DCP2: variants seen among roughly 807,000 people sequenced by gnomAD.
DCP2 encodes m7GpppN-mRNA hydrolase.
Under a neutral mutation model 56.1 loss-of-function variants are expected in DCP2, and 30 were observed. The ratio of observed to expected loss-of-function variants is 0.53; its 90% CI spans 0.40 to 0.73. DCP2 has a LOEUF of 0.73. Among genes scored for constraint, DCP2 ranks in the 30% least tolerant of loss-of-function variants. The pLI is 0.00. For missense variants in DCP2, 533 were observed against 502.7 expected, an observed-to-expected ratio of 1.06 and a Z score of -0.58; for synonymous variants, 197 against 163.3, an observed-to-expected ratio of 1.21 and a Z score of -1.57.
In DCP2 at chr5:113,016,426, C is replaced by T. The variant is rs537051530; in HGVS notation, c.*2942C>T. The T allele has an allele frequency of 6.6e-6, 1 of 152,328 alleles. No homozygotes were observed. The highest frequency in any genetic ancestry group is 2.4e-5 in the African/African-American group (1 of 41,538). 9.4% of individuals were successfully genotyped at this position (152,328 alleles called of 1,614,324 possible). A position where few individuals can be genotyped will look rare whatever the true frequency, so the allele number is the denominator to read the frequency against. ...TCAAAGGAATTGTGGTTACTACTTG[C>T]TGTTCTGAGCTTTGAATATCGTTAT... On this transcript the variant is annotated 3_prime_UTR_variant, in exon 11 of 11. Coordinates refer to ENST00000389063, the MANE Select transcript of DCP2 (RefSeq NM_152624.6).
chr5:112,998,525 G>A (rs538350130), intron 4 of DCP2, among the ~76,000 whole-genome samples: 2 of 152,220 alleles, frequency 1.3e-5, no homozygotes, highest in East Asian at 3.9e-4. Context: ...TGCTGCTTGC[G>A]TTATTCATTA....
chr5:112,992,914 TAAATCACTGTTGA>T, intron 4 of DCP2, 144 bp downstream of exon 4: 6 of 444,688 alleles, frequency 1.3e-5, no homozygotes, highest in East Asian at 3.8e-5. Context: ...TTTTTTTTTT[TAAATCACTGTTGA>T]TTGTTTTATC....
chr5:113,000,188 G>T (rs534397618), intron 4 of DCP2, among the ~76,000 whole-genome samples: 22 of 152,152 alleles, frequency 1.4e-4, no homozygotes, highest in African/African-American at 5.3e-4. Flanking sequence ...GAACACCTGG[G>T]CTCAAGTGAT....
chr5:113,011,920 T>A (rs1326300067), intron 10 of DCP2, among the ~76,000 whole-genome samples: 1 of 152,198 alleles, frequency 6.6e-6, no homozygotes, highest in Non-Finnish European at 1.5e-5. Context: ...TTCTTTTGCA[T>A]GTGGATATCC....
chr5:113,000,547 C>A (rs192210380), intron 4 of DCP2, among the ~76,000 whole-genome samples: 1 of 151,944 alleles, frequency 6.6e-6, no homozygotes, highest in Non-Finnish European at 1.5e-5. Flanking sequence ...ATTATAAATC[C>A]AAGCCATCGA....
At chr5:112,985,802 A>G (rs376045396) in intron 1 of DCP2, 33 bp from the exon 2 acceptor site, 420 of 1,590,486 alleles carry the variant, frequency 2.6e-4, no homozygotes, top group Non-Finnish European at 3.5e-4. Flanking sequence ...TAGTTTGTAA[A>G]TGTAATTTTT....
At position 113,017,364 on chromosome 5, in the gene DCP2, A is replaced by C. The variant is rs891313587; in HGVS notation, c.*3880A>C. On this transcript the variant is annotated 3_prime_UTR_variant, in exon 11 of 11. Transcript: ENST00000389063. ...GTCTGTAGGTAAGCAAGTGTTAGTA[A>C]AAACAATTTTGTCAAACAGTACTCC... is the stretch of plus-strand genomic sequence containing the variant. 6.6e-6 allele frequency: 1 copy of C among 152,222 alleles called. No individual in the cohort carries two copies. Among genetic ancestry groups the C allele is most frequent in the Non-Finnish European group, 1.5e-5 (1 of 68,040 alleles). 9.4% of individuals were successfully genotyped at this position (152,222 alleles called of 1,614,324 possible).
rs181927738 is a variant in DCP2 at position 113,020,789 on chromosome 5, T to C, written c.*7305T>C. ...TCTTAACAGTTATGCTCTAACTTTT[T>C]GAAAGCTTTTTGATGTAAATAATAG... On this transcript the variant is annotated 3_prime_UTR_variant, in exon 11 of 11. Coordinates refer to ENST00000389063, the MANE Select transcript of DCP2 (RefSeq NM_152624.6). The C allele has an allele frequency of 2.0e-5, 3 of 152,362 alleles. No individual in the cohort carries two copies. In the East Asian group the frequency reaches 5.8e-4, roughly 29 times the overall value. 9.4% of individuals were successfully genotyped at this position (152,362 alleles called of 1,614,324 possible). A position where few individuals can be genotyped will look rare whatever the true frequency, so the allele number is the denominator to read the frequency against.
rs535289384 is a variant in DCP2 at position 113,020,255 on chromosome 5, A to G, written c.*6771A>G. The G allele has an allele frequency of 2.0e-5, 3 of 152,180 alleles. No homozygotes were observed. Among genetic ancestry groups the G allele is most frequent in the Non-Finnish European group, 2.9e-5 (2 of 68,014 alleles). 9.4% of individuals were successfully genotyped at this position (152,180 alleles called of 1,614,324 possible). On this transcript the variant is annotated 3_prime_UTR_variant, in exon 11 of 11. Coordinates refer to ENST00000389063, the MANE Select transcript of DCP2 (RefSeq NM_152624.6). ...ATAACCAAGTAGATTTGTGAACTTT[A>G]TTTCTTTAGTAATTATTTTTATCTT...
In DCP2 at chr5:113,017,201, T is replaced by C. The variant is rs946096729; in HGVS notation, c.*3717T>C. On this transcript the variant is annotated 3_prime_UTR_variant, in exon 11 of 11. Coordinates refer to ENST00000389063, the MANE Select transcript of DCP2 (RefSeq NM_152624.6). ...AATCATAGTTATAGTAAAGTCAGAC[T>C]CATTAACTTTTCTTCCTAGTAATTT... 14 of 152,246 alleles carry C rather than the reference T, an allele frequency of 9.2e-5. No homozygotes were observed. The highest frequency in any genetic ancestry group is 3.1e-4 in the African/African-American group (13 of 41,458). The allele number at this position is 152,246 out of a possible 1,614,324, so 9.4% of individuals were successfully genotyped here.
chr5:112,986,679 C>G (rs1263025059), intron 2 of DCP2, among the ~76,000 whole-genome samples: 1 of 152,004 alleles, frequency 6.6e-6, no homozygotes, highest in African/African-American at 2.4e-5. Context: ...ATGTTTGAAG[C>G]AGTGTTTTCA....
intron 1 of DCP2, among the ~76,000 whole-genome samples, chr5:112,978,080 C>G (rs1747805256): frequency 6.6e-6 from 1 of 152,038 alleles, no homozygotes; most frequent in Non-Finnish European, 1.5e-5. Flanking sequence ...CGGATTCAAA[C>G]GAGTCTCTGC....
chr5:112,977,761 C>T (rs141471392), intron 1 of DCP2, among the ~76,000 whole-genome samples: 1 of 152,082 alleles, frequency 6.6e-6, no homozygotes, highest in South Asian at 2.1e-4. Flanking sequence ...GCTTATTTTC[C>T]GAAGGTAAAA....
Position 113,017,504 on chromosome 5 carries a change from G to T in DCP2, c.*4020G>T, listed in dbSNP as rs921211241. On this transcript the variant is annotated 3_prime_UTR_variant, in exon 11 of 11. Transcript: ENST00000389063. ...AAAAATGAGATGGTGGGCTTTCTCA[G>T]CATCTTTTTGCTTCCTAGAATTGAG... 2 of 152,138 alleles carry T rather than the reference G, an allele frequency of 1.3e-5. No homozygotes were observed. Among genetic ancestry groups the T allele is most frequent in the Non-Finnish European group, 2.9e-5 (2 of 68,016 alleles). The allele number at this position is 152,138 out of a possible 1,614,324, so 9.4% of individuals were successfully genotyped here. A position where few individuals can be genotyped will look rare whatever the true frequency, so the allele number is the denominator to read the frequency against.
chr5:112,984,991 A>T (rs1748204962), intron 1 of DCP2, among the ~76,000 whole-genome samples: 1 of 151,962 alleles, frequency 6.6e-6, no homozygotes, highest in African/African-American at 2.4e-5. Flanking sequence ...GCAAGTGATC[A>T]AACTGGGTGG....
intron 10 of DCP2, among the ~76,000 whole-genome samples, chr5:113,012,295 G>A (rs1749708616): frequency 6.6e-6 from 1 of 152,176 alleles, no homozygotes; most frequent in Non-Finnish European, 1.5e-5. Flanking sequence ...AGGAGGTTGA[G>A]GCTGAAGTGA....
At chr5:112,978,954 C>T (rs1018846736) in intron 1 of DCP2, among the ~76,000 whole-genome samples, 2 of 152,074 alleles carry the variant, frequency 1.3e-5, no homozygotes, top group African/African-American at 2.4e-5. Context: ...AGTCTTCCTT[C>T]TAGTATTGGG....
chr5:113,012,253 A>G (rs1321483575), intron 10 of DCP2, among the ~76,000 whole-genome samples: 1 of 152,178 alleles, frequency 6.6e-6, no homozygotes, highest in African/African-American at 2.4e-5. Context: ...CCAGCTACTT[A>G]AGAGGCTGAG....
intron 7 of DCP2, 32 bp from the exon 8 acceptor site, chr5:113,003,910 C>T (rs756385370): frequency 6.2e-7 from 1 of 1,612,028 alleles, no homozygotes. Context: ...TGAACATTTT[C>T]TGATTTGATT....
Sources: allele counts gnomAD v4.1 joint callset (sites outside exome capture counted in the v4.1 genomes callset), GRCh38; gene constraint gnomAD v4.1.1; transcripts MANE v1.5; gene names NCBI Gene and HGNC (gene_info 2026-07-23, HGNC 2026-07-21).